The following TACR1 variants were observed in gnomAD, a reference collection of about 807,000 sequenced individuals.
TACR1 encodes the protein tachykinin receptor 1.
Under a neutral mutation model 35.8 loss-of-function variants are expected in TACR1, and 25 were observed. The observed-to-expected ratio is 0.70, with a 90% confidence interval of 0.51 to 0.98. The LOEUF (loss-of-function observed/expected upper bound fraction) is 0.98, where lower values mean the gene tolerates loss of function less well. Among genes scored for constraint, TACR1 ranks in the 50% least tolerant of loss-of-function variants. TACR1 has a pLI of 0.00. For missense variants in TACR1, 478 were observed against 522.9 expected, an observed-to-expected ratio of 0.91 and a Z score of 0.84; for synonymous variants, 195 against 206.7, an observed-to-expected ratio of 0.94 and a Z score of 0.48.
intron 1 of TACR1, among the ~76,000 whole-genome samples, chr2:75,170,370 T>G (rs537723702): frequency 2.8e-4 from 43 of 152,360 alleles, no homozygotes; most frequent in African/African-American, 1.0e-3. Context: ...TCCCTAGCCA[T>G]GTGGAACTGT....
intron 1 of TACR1, among the ~76,000 whole-genome samples, chr2:75,153,210 T>C (rs1171089080): frequency 6.6e-6 from 1 of 152,204 alleles, no homozygotes; most frequent in African/African-American, 2.4e-5. Flanking sequence ...TAAGACTTCT[T>C]ATAAGAGTTC....
chr2:75,153,895 AT>A (rs113735402), intron 1 of TACR1, among the ~76,000 whole-genome samples: 8,429 of 152,042 alleles, frequency 0.055, 522 homozygotes, highest in African/African-American at 0.15. Flanking sequence ...GATTCATTAA[AT>A]TTTTTTTCCT....
intron 1 of TACR1, among the ~76,000 whole-genome samples, chr2:75,159,511 C>T (rs2103988644): frequency 6.6e-6 from 1 of 152,184 alleles, no homozygotes; most frequent in African/African-American, 2.4e-5. Flanking sequence ...GAAGAATTTC[C>T]ACTAGCCAAA....
chr2:75,097,928 G>A (rs1313329573), intron 2 of TACR1, among the ~76,000 whole-genome samples: 1 of 152,186 alleles, frequency 6.6e-6, no homozygotes, highest in Non-Finnish European at 1.5e-5. Context: ...GCATTCTGTG[G>A]TGTCAATACT....
At chr2:75,093,113 A>C (rs565718963) in intron 2 of TACR1, among the ~76,000 whole-genome samples, 1 of 152,242 alleles carries the variant, frequency 6.6e-6, no homozygotes, top group East Asian at 1.9e-4. Flanking sequence ...GCAAAGGAGA[A>C]GGGGAGAGGA....
intron 2 of TACR1, among the ~76,000 whole-genome samples, chr2:75,055,771 A>T (rs1672557325): frequency 1.3e-5 from 2 of 152,184 alleles, no homozygotes; most frequent in East Asian, 3.8e-4. Flanking sequence ...AGTGGGCTTC[A>T]GTATCACCTG....
intron 2 of TACR1, among the ~76,000 whole-genome samples, chr2:75,069,182 G>A (rs10865406): frequency 0.25 from 37,362 of 151,912 alleles, 5,864 homozygotes; most frequent in African/African-American, 0.41. Flanking sequence ...CGCCATGATT[G>A]TGAGGACTTC....
intron 2 of TACR1, among the ~76,000 whole-genome samples, chr2:75,113,202 C>T (rs1242485044): frequency 3.9e-5 from 6 of 152,146 alleles, no homozygotes; most frequent in African/African-American, 1.4e-4. Flanking sequence ...TGTGGAAAAT[C>T]ATCCATTTAT....
chr2:75,077,131 T>G (rs1254229521), intron 2 of TACR1, among the ~76,000 whole-genome samples: 1 of 152,100 alleles, frequency 6.6e-6, no homozygotes, highest in Non-Finnish European at 1.5e-5. Context: ...CCACCATGCC[T>G]GGCTAATTTT....
At chr2:75,164,431 A>C (rs189029284) in intron 1 of TACR1, among the ~76,000 whole-genome samples, 1 of 152,336 alleles carries the variant, frequency 6.6e-6, no homozygotes, top group Admixed American at 6.5e-5. Context: ...TAAGAATTAA[A>C]GACATTATCT....
intron 2 of TACR1, among the ~76,000 whole-genome samples, chr2:75,083,562 G>T (rs1261028893): frequency 6.6e-6 from 1 of 152,164 alleles, no homozygotes; most frequent in Non-Finnish European, 1.5e-5. Flanking sequence ...CCATGAGCAT[G>T]GAATGTTCTT....
chr2:75,183,411 T>C (rs1197255969), intron 1 of TACR1, among the ~76,000 whole-genome samples: 1 of 152,218 alleles, frequency 6.6e-6, no homozygotes, highest in East Asian at 1.9e-4. Flanking sequence ...AGGTTAATTA[T>C]TGAGATCCTT....
intron 1 of TACR1, among the ~76,000 whole-genome samples, chr2:75,125,676 T>G (rs1393471459): frequency 1.3e-5 from 2 of 152,184 alleles, no homozygotes; most frequent in Admixed American, 1.3e-4. Context: ...ACATACATGT[T>G]ATACCTTTAT....
intron 4 of TACR1, among the ~76,000 whole-genome samples, chr2:75,050,516 A>G (rs556481927): frequency 3.3e-5 from 5 of 152,248 alleles, no homozygotes; most frequent in African/African-American, 7.2e-5. Flanking sequence ...TGCAGCCACT[A>G]TGTGTCCCTG....
intron 1 of TACR1, among the ~76,000 whole-genome samples, chr2:75,168,932 C>T (rs1387595353): frequency 6.6e-6 from 1 of 152,018 alleles, no homozygotes; most frequent in Non-Finnish European, 1.5e-5. Context: ...AAAATAAACA[C>T]CTCTTCCCTT....
At chr2:75,114,000 G>T (rs370895055) in intron 2 of TACR1, among the ~76,000 whole-genome samples, 1 of 151,908 alleles carries the variant, frequency 6.6e-6, no homozygotes, top group Non-Finnish European at 1.5e-5. Context: ...TAAAAATTTC[G>T]GCTGATTTTT....
intron 1 of TACR1, among the ~76,000 whole-genome samples, chr2:75,186,201 G>A (rs555842369): frequency 8.6e-5 from 13 of 151,346 alleles, no homozygotes; most frequent in Admixed American, 2.6e-4. Context: ...GTGAAACTCC[G>A]TCTCTACTAA....
intron 1 of TACR1, 91 bp from the exon 2 acceptor site, chr2:75,120,859 T>A: frequency 9.6e-7 from 1 of 1,040,412 alleles, no homozygotes; most frequent in Non-Finnish European, 1.4e-6. Flanking sequence ...AGAAAATTCA[T>A]AGAAACCCTT....
chr2:75,145,773 G>A (rs1450299438), intron 1 of TACR1, among the ~76,000 whole-genome samples: 1 of 152,230 alleles, frequency 6.6e-6, no homozygotes, highest in Non-Finnish European at 1.5e-5. Flanking sequence ...ATACTGCACT[G>A]TTGGAATACT....
Sources: gnomAD v4.1 joint callset for allele counts (sites outside exome capture counted in the v4.1 genomes callset) on GRCh38, gnomAD v4.1.1 for gene constraint, MANE v1.5 for transcripts, NCBI Gene and HGNC (gene_info 2026-07-23, HGNC 2026-07-21) for gene names.